Variants in PDK1 observed in about 807,000 individuals in gnomAD.
PDK1 encodes the protein [Pyruvate dehydrogenase (acetyl-transferring)] kinase isozyme 1, mitochondrial.
Under a neutral mutation model 54.2 loss-of-function variants are expected in PDK1, and 39 were observed. That is an observed-to-expected ratio of 0.72 (90% CI 0.56 to 0.94). The LOEUF is 0.94. Among genes scored for constraint, PDK1 ranks in the 40% least tolerant of loss-of-function variants. The probability of loss-of-function intolerance (pLI) is 0.00; values close to 1 mark genes in which losing one functional copy is unlikely to be tolerated. For missense variants in PDK1, 552 were observed against 566.0 expected (o/e 0.98, Z 0.25); for synonymous variants, 221 against 207.1 (o/e 1.07, Z -0.58).
At chr2:172,711,890 AAAAG>A in the PDK1 span, among the ~76,000 whole-genome samples, 1 of 150,352 alleles carries the variant, frequency 6.7e-6, no homozygotes, top group South Asian at 2.1e-4. Context: ...AAAAAAAAAA[AAAAG>A]AGTTCCCTTT....
chr2:172,620,425 G>A, the PDK1 span, among the ~76,000 whole-genome samples: 3 of 152,134 alleles, frequency 2.0e-5, no homozygotes, highest in Non-Finnish European at 4.4e-5. Context: ...TGGCATGTGA[G>A]GGAAGTTGGA....
At chr2:172,624,121 T>G in the PDK1 span, among the ~76,000 whole-genome samples, 2 of 152,158 alleles carry the variant, frequency 1.3e-5, no homozygotes. Flanking sequence ...CCAATCACGT[T>G]CTTCATCCAC....
At chr2:172,583,252 C>T (rs1034498571) in intron 8 of PDK1, among the ~76,000 whole-genome samples, 1 of 136,266 alleles carries the variant, frequency 7.3e-6, no homozygotes, top group Admixed American at 7.5e-5. Context: ...AGAGCAATTT[C>T]AAGCATAATG....
chr2:172,653,944 C>A, the PDK1 span, among the ~76,000 whole-genome samples: 2 of 152,210 alleles, frequency 1.3e-5, no homozygotes, highest in African/African-American at 4.8e-5. Context: ...CAAACAACCC[C>A]ATCAAAAAGT....
chr2:172,568,690 G>A (rs1689091360), intron 6 of PDK1, 51 bp from the exon 7 acceptor site: 4 of 1,084,520 alleles, frequency 3.7e-6, no homozygotes, highest in Non-Finnish European at 5.7e-6. Flanking sequence ...TCTTAAAAAT[G>A]CTTTAAGCAC....
the PDK1 span, among the ~76,000 whole-genome samples, chr2:172,679,371 C>T: frequency 6.6e-6 from 1 of 152,012 alleles, no homozygotes; most frequent in Non-Finnish European, 1.5e-5. Context: ...CACTGAAGCC[C>T]AGGAGTTTGA....
the PDK1 span, among the ~76,000 whole-genome samples, chr2:172,704,450 G>C: frequency 4.6e-5 from 7 of 152,126 alleles, no homozygotes; most frequent in Non-Finnish European, 1.0e-4. Flanking sequence ...CAGCTTAAGG[G>C]GTACATTGAG....
downstream of PDK1, among the ~76,000 whole-genome samples, chr2:172,613,196 C>G (rs1351606248): frequency 3.3e-5 from 5 of 152,222 alleles, no homozygotes; most frequent in Admixed American, 3.3e-4. Flanking sequence ...GACACCCACT[C>G]AGGGCAGAAA....
the PDK1 span, among the ~76,000 whole-genome samples, chr2:172,649,632 G>C: frequency 6.6e-6 from 1 of 152,164 alleles, no homozygotes; most frequent in Non-Finnish European, 1.5e-5. Flanking sequence ...AGAGCGTAGA[G>C]AAGTCCTTAA....
the PDK1 span, among the ~76,000 whole-genome samples, chr2:172,624,765 G>A: frequency 1.4e-4 from 22 of 152,116 alleles, no homozygotes; most frequent in Admixed American, 1.3e-3. Flanking sequence ...TTGGGAGGCC[G>A]AGGTGGGCGG....
the PDK1 span, among the ~76,000 whole-genome samples, chr2:172,701,582 C>G: frequency 1.4e-4 from 21 of 148,750 alleles, no homozygotes; most frequent in South Asian, 4.2e-4. Context: ...CTGTGGTTTT[C>G]TCTTTTCAGA....
intron 2 of PDK1, among the ~76,000 whole-genome samples, chr2:172,561,165 T>C (rs989070596): frequency 3.3e-5 from 5 of 152,192 alleles, no homozygotes; most frequent in African/African-American, 1.2e-4. Flanking sequence ...TTTTCCTGTT[T>C]TTAAAAAATT....
At chr2:172,614,092 G>A in the PDK1 span, among the ~76,000 whole-genome samples, 1 of 152,106 alleles carries the variant, frequency 6.6e-6, no homozygotes, top group African/African-American at 2.4e-5. Context: ...GTGGGAGCTC[G>A]CGGGTGCAGC....
the PDK1 span, among the ~76,000 whole-genome samples, chr2:172,669,051 ATTTTTTT>A: frequency 5.7e-5 from 4 of 70,550 alleles, no homozygotes; most frequent in Admixed American, 3.9e-4. Flanking sequence ...GAATTTCCTG[ATTTTTTT>A]TTTTTTTTTT....
chr2:172,571,849 T>TTG (rs1553480311), intron 8 of PDK1, among the ~76,000 whole-genome samples: 4 of 136,680 alleles, frequency 2.9e-5, no homozygotes, highest in Non-Finnish European at 6.3e-5. Flanking sequence ...TTTTTTTTTT[T>TTG]GAGATGGAGT....
chr2:172,705,543 T>G, the PDK1 span, among the ~76,000 whole-genome samples: 1 of 152,258 alleles, frequency 6.6e-6, no homozygotes, highest in Non-Finnish European at 1.5e-5. Flanking sequence ...CTGAAAGATC[T>G]ATTACTCAGT....
chr2:172,583,119 T>C (rs1690002023), intron 8 of PDK1, among the ~76,000 whole-genome samples: 1 of 152,146 alleles, frequency 6.6e-6, no homozygotes, highest in Non-Finnish European at 1.5e-5. Context: ...CCTATTCATG[T>C]TAACTAGCAA....
intron 9 of PDK1, among the ~76,000 whole-genome samples, chr2:172,589,610 G>T (rs1690459320): frequency 1.3e-5 from 2 of 152,186 alleles, no homozygotes; most frequent in Non-Finnish European, 1.5e-5. Context: ...GGGCAGGGAG[G>T]TGTGAAATGG....
At chr2:172,583,133 T>G (rs1690002954) in intron 8 of PDK1, among the ~76,000 whole-genome samples, 1 of 152,164 alleles carries the variant, frequency 6.6e-6, no homozygotes. Context: ...CTAGCAAATG[T>G]GCAGCAGAGC....
Sources: gnomAD v4.1 joint callset for allele counts (sites outside exome capture counted in the v4.1 genomes callset) on GRCh38, gnomAD v4.1.1 for gene constraint, MANE v1.5 for transcripts, NCBI Gene and HGNC (gene_info 2026-07-23, HGNC 2026-07-21) for gene names.